The following MAD1L1 variants were observed in gnomAD, a reference collection of about 807,000 sequenced individuals.
The protein encoded by MAD1L1 is mitotic arrest deficient 1 like 1.
In MAD1L1, 95 loss-of-function variants were observed where a neutral mutation model predicts 96.9. That is an observed-to-expected ratio of 0.98 (90% CI 0.83 to 1.16). The LOEUF (loss-of-function observed/expected upper bound fraction) is 1.16. Among genes scored for constraint, MAD1L1 ranks in the 50% most tolerant of loss-of-function variants. MAD1L1 has a pLI of 0.00. For missense variants in MAD1L1, 1,007 were observed against 954.4 expected, an observed-to-expected ratio of 1.06 and a Z score of -0.73; for synonymous variants, 473 against 396.6, an observed-to-expected ratio of 1.19 and a Z score of -2.29.
chr7:2,021,693 A>C (rs1006383893), intron 12 of MAD1L1, among the ~76,000 whole-genome samples: 1 of 152,068 alleles, frequency 6.6e-6, no homozygotes, highest in Non-Finnish European at 1.5e-5. Flanking sequence ...TGAACCCAGG[A>C]AGTGGAGGCT....
At chr7:1,875,324 GAAGCCGAGAGACCAAGAAGAAA>G (rs972986387) in intron 18 of MAD1L1, among the ~76,000 whole-genome samples, 1 of 152,226 alleles carries the variant, frequency 6.6e-6, no homozygotes, top group Non-Finnish European at 1.5e-5. Context: ...CAGGGAAGCA[GAAGCCGAGAGACCAAGAAGAAA>G]ACATCCCCCA....
At chr7:2,220,222 C>G (rs1793525693) in intron 5 of MAD1L1, among the ~76,000 whole-genome samples, 1 of 152,182 alleles carries the variant, frequency 6.6e-6, no homozygotes, top group South Asian at 2.1e-4. Context: ...GAGCACGCGG[C>G]ACGGGCAGGA....
At position 2,229,962 on chromosome 7, in the gene MAD1L1, C is replaced by A. The variant is rs117361490; in HGVS notation, c.150+22G>T. On this transcript the variant is annotated intron_variant, in intron 3 of 18. Transcript: ENST00000265854. ...CCAGGGTCTCCCCAGAGCAGACTCC[C>A]ACCCAGGCACATGCCACTCACCTGC... 2,405 of 1,610,960 alleles carry A rather than the reference C, an allele frequency of 1.5e-3. 58 individuals carry two copies. The East Asian group carries it at 0.044, about 29-fold the overall frequency.
chr7:1,845,092 G>T (rs867460691), intron 18 of MAD1L1, among the ~76,000 whole-genome samples: 3 of 152,242 alleles, frequency 2.0e-5, no homozygotes, highest in African/African-American at 7.2e-5. Flanking sequence ...CTGCAGCGGG[G>T]AGAGCAGAGC....
chr7:1,888,692 G>A (rs561756495), intron 18 of MAD1L1, among the ~76,000 whole-genome samples: 44 of 151,464 alleles, frequency 2.9e-4, no homozygotes, highest in African/African-American at 8.5e-4. Flanking sequence ...GTGTCCATGC[G>A]TGTGTGTCGT....
chr7:1,855,293 C>G (rs1019020426), intron 18 of MAD1L1, among the ~76,000 whole-genome samples: 3 of 152,018 alleles, frequency 2.0e-5, no homozygotes, highest in African/African-American at 7.3e-5. Flanking sequence ...GCGGGCCACA[C>G]CCTAGGGTTC....
At chr7:1,889,718 C>T (rs1272031674) in intron 18 of MAD1L1, among the ~76,000 whole-genome samples, 1 of 152,172 alleles carries the variant, frequency 6.6e-6, no homozygotes, top group South Asian at 2.1e-4. Context: ...ACCTGGGCCA[C>T]GTCCCCTCTG....
chr7:2,130,483 A>G (rs1399590423), intron 11 of MAD1L1, among the ~76,000 whole-genome samples: 1 of 152,190 alleles, frequency 6.6e-6, no homozygotes, highest in African/African-American at 2.4e-5. Context: ...GGTCTGGGAA[A>G]GGAGACCAGC....
At chr7:2,028,950 G>A (rs1783102066) in intron 12 of MAD1L1, among the ~76,000 whole-genome samples, 1 of 152,156 alleles carries the variant, frequency 6.6e-6, no homozygotes, top group Non-Finnish European at 1.5e-5. Flanking sequence ...CACGGTCAGT[G>A]TGAAGAAGCA....
intron 14 of MAD1L1, 195 bp from the exon 15 acceptor site, chr7:1,980,736 T>C (rs1780866428): frequency 1.4e-6 from 1 of 691,848 alleles, no homozygotes; most frequent in African/African-American, 1.8e-5. Context: ...TCAAGTTCTC[T>C]CATTTTTTTG....
At chr7:1,947,007 C>T (rs952285800) in intron 16 of MAD1L1, among the ~76,000 whole-genome samples, 1 of 152,216 alleles carries the variant, frequency 6.6e-6, no homozygotes, top group South Asian at 2.1e-4. Flanking sequence ...GTGAGTTCCG[C>T]CCCTAACTCG....
chr7:2,066,584 C>A (rs1784884331), intron 12 of MAD1L1, among the ~76,000 whole-genome samples: 1 of 152,226 alleles, frequency 6.6e-6, no homozygotes, highest in South Asian at 2.1e-4. Flanking sequence ...ACCTGCAAAG[C>A]AGAGCAGAGA....
chr7:2,070,660 T>G (rs1356862214), intron 11 of MAD1L1, among the ~76,000 whole-genome samples: 3 of 152,194 alleles, frequency 2.0e-5, no homozygotes, highest in Non-Finnish European at 2.9e-5. Flanking sequence ...CAAACTTCTT[T>G]CCAAAGGAAA....
intron 16 of MAD1L1, among the ~76,000 whole-genome samples, chr7:1,938,548 G>A (rs748024748): frequency 2.0e-5 from 3 of 152,316 alleles, no homozygotes; most frequent in East Asian, 3.9e-4. Context: ...CAGAACATAC[G>A]AAGAAGTCAG....
At chr7:1,938,465 G>A (rs1035127246) in intron 16 of MAD1L1, among the ~76,000 whole-genome samples, 1 of 152,164 alleles carries the variant, frequency 6.6e-6, no homozygotes, top group African/African-American at 2.4e-5. Flanking sequence ...TTCATCCACT[G>A]AAACAGTGGA....
At chr7:2,078,824 G>A (rs529361146) in intron 11 of MAD1L1, among the ~76,000 whole-genome samples, 8 of 152,256 alleles carry the variant, frequency 5.3e-5, no homozygotes, top group South Asian at 4.1e-4. Flanking sequence ...GGAGGACAGC[G>A]GCAGCACCGG....
At chr7:2,100,171 G>A (rs1786705555) in intron 11 of MAD1L1, among the ~76,000 whole-genome samples, 1 of 152,212 alleles carries the variant, frequency 6.6e-6, no homozygotes, top group African/African-American at 2.4e-5. Flanking sequence ...ACGACGGCCA[G>A]CGCAGTCAGC....
intron 17 of MAD1L1, among the ~76,000 whole-genome samples, chr7:1,899,928 T>C (rs4721176): frequency 0.69 from 104,337 of 152,148 alleles, 36,226 homozygotes; most frequent in African/African-American, 0.8. Context: ...GGCCGCGGTT[T>C]CAGCTCGGCT....
At chr7:1,979,058 AG>A (rs1260234879) in intron 15 of MAD1L1, among the ~76,000 whole-genome samples, 1 of 152,230 alleles carries the variant, frequency 6.6e-6, no homozygotes, top group African/African-American at 2.4e-5. Context: ...GCCACACTAA[AG>A]GCAGCCCTTT....
Sources: gnomAD v4.1 joint callset for allele counts (sites outside exome capture counted in the v4.1 genomes callset) on GRCh38, gnomAD v4.1.1 for gene constraint, MANE v1.5 for transcripts, NCBI Gene and HGNC (gene_info 2026-07-23, HGNC 2026-07-21) for gene names.